Variants in MAML3 observed in about 807,000 individuals in gnomAD.
MAML3 encodes mastermind like transcriptional coactivator 3, also known as mastermind-like protein 3.
A neutral mutation model predicts 101.9 loss-of-function variants in MAML3; 27 were observed. The observed-to-expected ratio is 0.27, with a 90% CI of 0.20 to 0.37. The LOEUF (loss-of-function observed/expected upper bound fraction) is 0.37, where lower values mean the gene tolerates loss of function less well. MAML3 is among the 10% of genes least tolerant of loss of function. MAML3 has a pLI of 1.00. For missense variants in MAML3, 1,316 were observed against 1,444.9 expected, an observed-to-expected ratio of 0.91 and a Z score of 1.45; for synonymous variants, 501 against 555.9, an observed-to-expected ratio of 0.90 and a Z score of 1.39.
chr4:139,848,824 AC>A (rs1731493074), intron 2 of MAML3, among the ~76,000 whole-genome samples: 1 of 152,240 alleles, frequency 6.6e-6, no homozygotes, highest in Non-Finnish European at 1.5e-5. Flanking sequence ...GAAATTCAAT[AC>A]ACAGGATATA....
chr4:140,017,867 T>C (rs1018247165), intron 1 of MAML3, among the ~76,000 whole-genome samples: 13 of 152,116 alleles, frequency 8.5e-5, no homozygotes, highest in African/African-American at 3.1e-4. Flanking sequence ...GTATCAATGT[T>C]AATACCCTGG....
At chr4:139,812,362 C>T (rs1269885221) in intron 2 of MAML3, among the ~76,000 whole-genome samples, 4 of 152,180 alleles carry the variant, frequency 2.6e-5, no homozygotes, top group Non-Finnish European at 4.4e-5. Flanking sequence ...TATTAGAAGT[C>T]GTAGACCCTG....
chr4:139,984,483 A>T (rs1734500347), intron 1 of MAML3, among the ~76,000 whole-genome samples: 1 of 152,228 alleles, frequency 6.6e-6, no homozygotes, highest in African/African-American at 2.4e-5. Flanking sequence ...ATTTTCAGAC[A>T]TGATTAGGCA....
intron 1 of MAML3, among the ~76,000 whole-genome samples, chr4:139,943,119 C>A (rs1446633677): frequency 6.6e-6 from 1 of 152,110 alleles, no homozygotes; most frequent in Non-Finnish European, 1.5e-5. Flanking sequence ...TAAAAAGATT[C>A]CTCCAAAATA....
intron 1 of MAML3, among the ~76,000 whole-genome samples, chr4:140,094,367 G>C (rs1019243534): frequency 5.3e-5 from 8 of 152,236 alleles, no homozygotes; most frequent in Non-Finnish European, 1.5e-5. Flanking sequence ...GAATACCAGA[G>C]AGGGGAATCT....
At chr4:140,142,238 T>G (rs1481308449) in intron 1 of MAML3, among the ~76,000 whole-genome samples, 1 of 152,190 alleles carries the variant, frequency 6.6e-6, no homozygotes, top group Admixed American at 6.5e-5. Flanking sequence ...TATGTGATTA[T>G]GTACAATATA....
intron 1 of MAML3, among the ~76,000 whole-genome samples, chr4:139,912,084 A>G (rs1015473031): frequency 6.6e-6 from 1 of 152,158 alleles, no homozygotes; most frequent in Admixed American, 6.5e-5. Context: ...AGAATATTGG[A>G]TCTTATGGTA....
intron 2 of MAML3, among the ~76,000 whole-genome samples, chr4:139,840,093 TC>T (rs1232400931): frequency 5.3e-5 from 8 of 152,220 alleles, no homozygotes; most frequent in Non-Finnish European, 1.0e-4. Context: ...GCATGGAAAT[TC>T]TTGGCAGCAT....
intron 1 of MAML3, among the ~76,000 whole-genome samples, chr4:140,088,786 CAAA>C (rs1727998585): frequency 6.6e-6 from 1 of 152,098 alleles, no homozygotes; most frequent in African/African-American, 2.4e-5. Context: ...TAAGAGTACT[CAAA>C]AGAACTAATT....
chr4:140,072,080 C>G (rs567897694), intron 1 of MAML3, among the ~76,000 whole-genome samples: 1 of 152,278 alleles, frequency 6.6e-6, no homozygotes, highest in East Asian at 1.9e-4. Context: ...TTTCATTCCA[C>G]CCACTCCCTC....
chr4:139,736,078 C>T (rs1728931754), intron 2 of MAML3, among the ~76,000 whole-genome samples: 1 of 152,054 alleles, frequency 6.6e-6, no homozygotes, highest in South Asian at 2.1e-4. Context: ...AAAAAGGATG[C>T]CCCAGAAAAC....
chr4:139,728,693 C>A (rs935006427), intron 3 of MAML3, among the ~76,000 whole-genome samples: 5 of 152,206 alleles, frequency 3.3e-5, no homozygotes, highest in Non-Finnish European at 7.4e-5. Context: ...GAAGCCCCAG[C>A]TCTCTCCATG....
At chr4:139,780,375 T>C (rs1730177223) in intron 2 of MAML3, among the ~76,000 whole-genome samples, 1 of 152,188 alleles carries the variant, frequency 6.6e-6, no homozygotes, top group Non-Finnish European at 1.5e-5. Flanking sequence ...GCCATGCATC[T>C]ACCTAGAAAG....
intron 1 of MAML3, among the ~76,000 whole-genome samples, chr4:140,135,961 T>G (rs1728875860): frequency 6.6e-6 from 1 of 152,152 alleles, no homozygotes. Context: ...CAAAGAGTAA[T>G]GAGCACCAAA....
intron 2 of MAML3, among the ~76,000 whole-genome samples, chr4:139,821,174 T>C (rs187183381): frequency 3.9e-4 from 59 of 152,320 alleles, no homozygotes; most frequent in African/African-American, 1.3e-3. Context: ...ATTAATTAGA[T>C]GAACTGTCTG....
intron 1 of MAML3, among the ~76,000 whole-genome samples, chr4:140,128,605 C>CA (rs1318267095): frequency 7.2e-5 from 11 of 152,052 alleles, no homozygotes; most frequent in Non-Finnish European, 1.6e-4. Context: ...CTCTGTGTGT[C>CA]AAAAAAGGGT....
chr4:139,945,859 C>T (rs1416240207), intron 1 of MAML3, among the ~76,000 whole-genome samples: 2 of 152,160 alleles, frequency 1.3e-5, no homozygotes, highest in East Asian at 1.9e-4. Context: ...TTTTAATAAG[C>T]CATTGTAGGA....
intron 2 of MAML3, among the ~76,000 whole-genome samples, chr4:139,836,336 T>C (rs1731255283): frequency 6.6e-6 from 1 of 151,924 alleles, no homozygotes. Flanking sequence ...CATCAGTAAA[T>C]GAAAAAAGCT....
chr4:139,914,279 T>C (rs1236862786), intron 1 of MAML3, among the ~76,000 whole-genome samples: 1 of 152,158 alleles, frequency 6.6e-6, no homozygotes, highest in Non-Finnish European at 1.5e-5. Context: ...AATTAGTTCA[T>C]TCATTCAACA....
Sources: allele counts gnomAD v4.1 joint callset (sites outside exome capture counted in the v4.1 genomes callset), GRCh38; gene constraint gnomAD v4.1.1; transcripts MANE v1.5; gene names NCBI Gene and HGNC (gene_info 2026-07-23, HGNC 2026-07-21).